The following ASIC2 variants were observed in gnomAD, a reference collection of about 807,000 sequenced individuals.
The protein encoded by ASIC2 is acid sensing ion channel subunit 2.
A neutral mutation model predicts 57.3 loss-of-function variants in ASIC2; 25 were observed. The observed-to-expected ratio is 0.44, with a 90% CI of 0.32 to 0.61. The LOEUF (loss-of-function observed/expected upper bound fraction) is 0.61. Ranked by LOEUF, ASIC2 falls within the 20% of genes least tolerant of loss-of-function variation. The pLI is 0.06. For missense variants in ASIC2, 641 were observed against 738.1 expected (o/e 0.87, Z 1.52); for synonymous variants, 319 against 307.5 (o/e 1.04, Z -0.39).
intron 1 of ASIC2, among the ~76,000 whole-genome samples, chr17:33,212,413 G>A (rs1907314264): frequency 1.3e-5 from 2 of 152,138 alleles, no homozygotes; most frequent in Admixed American, 1.3e-4. Context: ...CCTAGAAGCC[G>A]GAAGAGGAAG....
chr17:33,805,353 A>C (rs911730774), intron 1 of ASIC2, among the ~76,000 whole-genome samples: 15 of 152,268 alleles, frequency 9.9e-5, no homozygotes, highest in Middle Eastern at 6.8e-3. Context: ...AACCCAAAGA[A>C]GGGGGAGTTT....
rs190569264 is a variant in ASIC2, at chr17:33,455,798, A to G, written c.556-343731T>C. Among the ~76,000 whole-genome samples the G allele has an allele frequency of 3.3e-5, 5 of 152,352 alleles. No individual in the cohort carries two copies. In the South Asian group the frequency reaches 1.0e-3, roughly 32 times the overall value. On this transcript the variant is annotated intron_variant, in intron 1 of 9. Transcript: ENST00000359872. ...CCAGATAGCCGGGAATATCTGAAGG[A>G]CTGACTAGATGATGTCCTGATGATG...
At chr17:33,129,654 T>C (rs184823249) in intron 1 of ASIC2, among the ~76,000 whole-genome samples, 1 of 152,268 alleles carries the variant, frequency 6.6e-6, no homozygotes, top group East Asian at 1.9e-4. Flanking sequence ...AGGCATGCCC[T>C]GAGGATGACC....
chr17:33,039,539 C>T (rs1025002052), intron 3 of ASIC2, among the ~76,000 whole-genome samples: 3 of 152,172 alleles, frequency 2.0e-5, no homozygotes, highest in African/African-American at 7.2e-5. Flanking sequence ...GAGATCAATC[C>T]TGAGATATTG....
In ASIC2 at chr17:33,649,170, C is replaced by A. The variant is rs527838845; in HGVS notation, c.555+506808G>T. 2.6e-5 allele frequency among the ~76,000 whole-genome samples: 4 copies of A among 152,086 alleles called. No individual in the cohort carries two copies. In the South Asian group the frequency reaches 6.2e-4, roughly 24 times the overall value. On this transcript the variant is annotated intron_variant, in intron 1 of 9. Coordinates refer to the ASIC2 transcript ENST00000359872. The stretch of plus-strand genomic sequence containing the variant: ...TCTACATATAAAGTACCAAAGAATC[C>A]ACAACAAAACCGTCTACAACTAATA...
chr17:34,053,671 GAGAC>G (rs1908652284), intron 1 of ASIC2, among the ~76,000 whole-genome samples: 1 of 152,202 alleles, frequency 6.6e-6, no homozygotes, highest in South Asian at 2.1e-4. Context: ...AGGAAATTGA[GAGAC>G]AGAGAAATTA....
At chr17:33,458,073 G>A (rs954051850) in intron 1 of ASIC2, among the ~76,000 whole-genome samples, 17 of 152,280 alleles carry the variant, frequency 1.1e-4, no homozygotes, top group African/African-American at 1.7e-4. Flanking sequence ...TAGCTGAGGC[G>A]TCTTTGGGGC....
rs752297344 is a variant in ASIC2 at position 33,291,819 on chromosome 17, C to T, written c.297G>A (p.Leu99=). 5 of 1,612,582 alleles carry T rather than the reference C, an allele frequency of 3.1e-6. No individual in the cohort carries two copies. Among genetic ancestry groups the T allele is most frequent in the Non-Finnish European group, 4.2e-6 (5 of 1,179,826 alleles). Reference sequence around the variant, plus strand: ...AGCGGTTCGAGGACCAGGACAGCAGCAAGCCGAAGGATGTACAGAAGGCCA... The same window carrying T: ...AGCGGTTCGAGGACCAGGACAGCAGTAAGCCGAAGGATGTACAGAAGGCCA... The part of the protein sequence containing the change: ...WVLAFCTSFG[L]LLSWSSNRLL... Residue 99 remains leucine (L), a synonymous_variant, in exon 1 of 10, where the codon TTG becomes TTA. Transcript: ENST00000225823.
intron 1 of ASIC2, among the ~76,000 whole-genome samples, chr17:33,682,744 G>T (rs1908050940): frequency 6.6e-6 from 1 of 152,058 alleles, no homozygotes; most frequent in Non-Finnish European, 1.5e-5. Flanking sequence ...ATAAGAAATA[G>T]CCTTAAGTCT....
chr17:34,035,139 A>T (rs1277208114), intron 1 of ASIC2, among the ~76,000 whole-genome samples: 1 of 149,990 alleles, frequency 6.7e-6, no homozygotes, highest in Non-Finnish European at 1.5e-5. Context: ...CCAAAACAGC[A>T]TGGTACTGGT....
intron 1 of ASIC2, among the ~76,000 whole-genome samples, chr17:33,400,883 T>G (rs1910261459): frequency 6.6e-6 from 1 of 152,186 alleles, no homozygotes; most frequent in African/African-American, 2.4e-5. Flanking sequence ...GCCTATAGGT[T>G]GAGTTGTGAT....
chr17:33,321,973 A>T (rs773629327), intron 1 of ASIC2, among the ~76,000 whole-genome samples: 6 of 152,196 alleles, frequency 3.9e-5, no homozygotes, highest in Non-Finnish European at 7.3e-5. Context: ...AGTCTACCTG[A>T]GACGCCATGG....
At chr17:33,443,591 T>C (rs1237040025) in intron 1 of ASIC2, among the ~76,000 whole-genome samples, 2 of 144,088 alleles carry the variant, frequency 1.4e-5, no homozygotes, top group African/African-American at 5.0e-5. Flanking sequence ...TTTTTTTTTG[T>C]ATTTTTAGTA....
At chr17:33,663,263 G>C (rs180919597) in intron 1 of ASIC2, among the ~76,000 whole-genome samples, 2 of 152,302 alleles carry the variant, frequency 1.3e-5, no homozygotes, top group African/African-American at 4.8e-5. Flanking sequence ...GGGTTTGTCT[G>C]ATTCCAAAAT....
chr17:33,772,375 G>C (rs879440076), intron 1 of ASIC2, among the ~76,000 whole-genome samples: 7 of 152,140 alleles, frequency 4.6e-5, no homozygotes, highest in Non-Finnish European at 7.4e-5. Context: ...CTACACAGCT[G>C]TCCATATTTT....
chr17:34,132,677 T>C (rs1450890471), intron 1 of ASIC2, among the ~76,000 whole-genome samples: 2 of 151,790 alleles, frequency 1.3e-5, no homozygotes, highest in African/African-American at 4.8e-5. Context: ...ACAGAAAAGT[T>C]CTCTAAGTCC....
chr17:34,100,610 C>T (rs750260159), intron 1 of ASIC2, among the ~76,000 whole-genome samples: 6 of 152,118 alleles, frequency 3.9e-5, no homozygotes, highest in Non-Finnish European at 7.4e-5. Flanking sequence ...GAAGGGAACA[C>T]AGGACTCACA....
intron 1 of ASIC2, among the ~76,000 whole-genome samples, chr17:33,493,609 A>G (rs891866000): frequency 6.6e-6 from 1 of 151,452 alleles, no homozygotes; most frequent in African/African-American, 2.4e-5. Context: ...CTCTTTTTTT[A>G]CACTCCTTTC....
intron 1 of ASIC2, among the ~76,000 whole-genome samples, chr17:33,668,481 T>C (rs1049115557): frequency 3.9e-5 from 6 of 151,950 alleles, no homozygotes; most frequent in African/African-American, 7.3e-5. Context: ...GCAAAGTTCT[T>C]CTCATGCTGC....
Sources: gnomAD v4.1 joint callset for allele counts (sites outside exome capture counted in the v4.1 genomes callset) on GRCh38, gnomAD v4.1.1 for gene constraint, MANE v1.5 for transcripts, NCBI Gene and HGNC (gene_info 2026-07-23, HGNC 2026-07-21) for gene names.